Variants in KCND2 observed in about 807,000 individuals in gnomAD.
The protein encoded by KCND2 is A-type voltage-gated potassium channel KCND2.
Under a neutral mutation model 54.4 loss-of-function variants are expected in KCND2, and 16 were observed. The observed-to-expected ratio is 0.29, with a 90% CI of 0.20 to 0.45. The LOEUF (loss-of-function observed/expected upper bound fraction) is 0.45. KCND2 is among the 20% of genes least tolerant of loss of function. The probability of loss-of-function intolerance (pLI) is 1.00; values close to 1 mark genes in which losing one functional copy is unlikely to be tolerated. For synonymous variants in KCND2, 317 were observed against 310.7 expected (o/e 1.02, Z -0.21); for missense variants, 486 against 824.2 (o/e 0.59, Z 5.02).
intron 1 of KCND2, among the ~76,000 whole-genome samples, chr7:120,611,289 T>A (rs895280864): frequency 6.6e-6 from 1 of 152,260 alleles, no homozygotes; most frequent in African/African-American, 2.4e-5. Flanking sequence ...CAAACACTTT[T>A]GTTATAAATT....
At chr7:120,502,732 A>G (rs756303856) in intron 1 of KCND2, among the ~76,000 whole-genome samples, 1 of 152,042 alleles carries the variant, frequency 6.6e-6, no homozygotes, top group African/African-American at 2.4e-5. Context: ...CTTTGCTACT[A>G]GATTTCCTGA....
At chr7:120,605,698 G>A (rs1462168285) in intron 1 of KCND2, among the ~76,000 whole-genome samples, 1 of 152,154 alleles carries the variant, frequency 6.6e-6, no homozygotes, top group Admixed American at 6.5e-5. Flanking sequence ...ATGTGTGAGT[G>A]TTCCATTTCC....
chr7:120,571,117 C>T (rs1369924133), intron 1 of KCND2, among the ~76,000 whole-genome samples: 1 of 152,162 alleles, frequency 6.6e-6, no homozygotes. Flanking sequence ...CGTGTAAGTA[C>T]TTCTTCACAG....
intron 1 of KCND2, among the ~76,000 whole-genome samples, chr7:120,701,165 T>C (rs755067418): frequency 2.0e-5 from 3 of 147,748 alleles, no homozygotes; most frequent in African/African-American, 5.0e-5. Context: ...TGCATATATT[T>C]CACTGGCCAG....
chr7:120,616,135 A>G (rs938140453), intron 1 of KCND2, among the ~76,000 whole-genome samples: 1 of 152,182 alleles, frequency 6.6e-6, no homozygotes, highest in Non-Finnish European at 1.5e-5. Flanking sequence ...GGAAGAAGCA[A>G]ATTAATTTAC....
intron 1 of KCND2, among the ~76,000 whole-genome samples, chr7:120,686,467 C>A (rs1444253128): frequency 2.6e-5 from 4 of 152,204 alleles, no homozygotes; most frequent in Admixed American, 1.3e-4. Flanking sequence ...GACCTCAGTT[C>A]TTGCCTCCTC....
intron 1 of KCND2, among the ~76,000 whole-genome samples, chr7:120,590,985 T>A (rs1049778488): frequency 3.3e-5 from 5 of 152,110 alleles, no homozygotes; most frequent in African/African-American, 1.2e-4. Context: ...TGCTAGAAAA[T>A]CTATACTGCA....
chr7:120,672,928 C>T (rs927830034), intron 1 of KCND2: 2 of 151,866 alleles, frequency 1.3e-5, no homozygotes, highest in East Asian at 1.9e-4. Flanking sequence ...ATTAGCACAG[C>T]CCTTGTGCAA....
At chr7:120,617,796 A>G (rs1793047032) in intron 1 of KCND2, among the ~76,000 whole-genome samples, 1 of 152,212 alleles carries the variant, frequency 6.6e-6, no homozygotes, top group African/African-American at 2.4e-5. Context: ...CATGTACACC[A>G]TGGAATACTA....
intron 1 of KCND2, among the ~76,000 whole-genome samples, chr7:120,350,592 T>G (rs145050199): frequency 1.3e-5 from 2 of 152,196 alleles, no homozygotes; most frequent in Non-Finnish European, 2.9e-5. Context: ...AAAGTTGATA[T>G]GTATTATTTC....
intron 1 of KCND2, among the ~76,000 whole-genome samples, chr7:120,505,256 G>A (rs802355): frequency 0.29 from 44,158 of 151,330 alleles, 9,257 homozygotes; most frequent in African/African-American, 0.58. Flanking sequence ...CTTCTAAATA[G>A]AAGATGAGTC....
At chr7:120,354,169 A>C (rs938932557) in intron 1 of KCND2, among the ~76,000 whole-genome samples, 7 of 152,158 alleles carry the variant, frequency 4.6e-5, no homozygotes, top group African/African-American at 1.7e-4. Flanking sequence ...TGACATGTCA[A>C]CTATGGTTAT....
chr7:120,646,410 A>T (rs184922737), intron 1 of KCND2, among the ~76,000 whole-genome samples: 2 of 151,952 alleles, frequency 1.3e-5, no homozygotes, highest in East Asian at 1.9e-4. Context: ...TTAAAAAGTA[A>T]TTTTTCTGTT....
intron 2 of KCND2, among the ~76,000 whole-genome samples, 175 bp from the exon 3 acceptor site, chr7:120,741,359 T>A (rs1431259892): frequency 6.6e-6 from 1 of 152,190 alleles, no homozygotes; most frequent in Non-Finnish European, 1.5e-5. Flanking sequence ...TGATAAATAT[T>A]AACTGAAATA....
At chr7:120,482,438 G>T (rs1802619720) in intron 1 of KCND2, among the ~76,000 whole-genome samples, 1 of 152,146 alleles carries the variant, frequency 6.6e-6, no homozygotes, top group Non-Finnish European at 1.5e-5. Context: ...ATTTTGCATT[G>T]TGAGAAGGAC....
intron 1 of KCND2, among the ~76,000 whole-genome samples, chr7:120,599,547 A>G (rs73441835): frequency 0.011 from 1,603 of 151,942 alleles, 33 homozygotes; most frequent in African/African-American, 0.037. Context: ...AATCTTGCAC[A>G]TTTTGCTACA....
intron 1 of KCND2, among the ~76,000 whole-genome samples, chr7:120,416,859 C>G (rs1247531038): frequency 2.0e-5 from 3 of 151,268 alleles, no homozygotes. Flanking sequence ...CCTTGTTTTT[C>G]CTTTGAGGCA....
intron 1 of KCND2, among the ~76,000 whole-genome samples, chr7:120,691,397 G>C (rs1792267067): frequency 6.6e-6 from 1 of 152,164 alleles, no homozygotes; most frequent in Non-Finnish European, 1.5e-5. Context: ...AGGAAATGTA[G>C]GGAAGAGATT....
intron 1 of KCND2, among the ~76,000 whole-genome samples, chr7:120,292,853 A>G (rs137970254): frequency 1.6e-4 from 24 of 151,782 alleles, no homozygotes; most frequent in Middle Eastern, 6.8e-3. Flanking sequence ...AAGTCATTCA[A>G]ACTTTTGTTG....
Sources: gnomAD v4.1 joint callset for allele counts (sites outside exome capture counted in the v4.1 genomes callset) on GRCh38, gnomAD v4.1.1 for gene constraint, MANE v1.5 for transcripts, NCBI Gene and HGNC (gene_info 2026-07-23, HGNC 2026-07-21) for gene names.